The following LRP1B variants were observed in gnomAD, a reference collection of about 807,000 sequenced individuals.
LRP1B encodes the protein LDL receptor related protein 1B.
A neutral mutation model predicts 556.6 loss-of-function variants in LRP1B; 217 were observed. The observed-to-expected ratio is 0.39, with a 90% CI of 0.35 to 0.44. The LOEUF (loss-of-function observed/expected upper bound fraction) is 0.44. Among genes scored for constraint, LRP1B ranks in the 20% least tolerant of loss-of-function variants. LRP1B has a pLI of 1.00. For synonymous variants in LRP1B, 2,047 were observed against 1,865.8 expected (o/e 1.10, Z -2.50); for missense variants, 5,053 against 5,620.8 (o/e 0.90, Z 3.23).
intron 66 of LRP1B, among the ~76,000 whole-genome samples, chr2:140,391,851 A>ATT (rs1684035729): frequency 6.6e-6 from 1 of 152,174 alleles, no homozygotes; most frequent in Non-Finnish European, 1.5e-5. Context: ...TTTCATAATT[A>ATT]AAATGAAACA....
intron 25 of LRP1B, 49 bp from the exon 26 acceptor site, chr2:140,868,312 A>C (rs1693017517): frequency 1.4e-6 from 2 of 1,477,388 alleles, no homozygotes; most frequent in Admixed American, 4.6e-5. Flanking sequence ...TCAGTCATTC[A>C]TTTCACAGAT....
intron 2 of LRP1B, among the ~76,000 whole-genome samples, chr2:141,670,143 C>T (rs1401694457): frequency 2.6e-5 from 4 of 152,102 alleles, no homozygotes; most frequent in Non-Finnish European, 4.4e-5. Context: ...CTGTAGACTG[C>T]ACACATTTTT....
intron 11 of LRP1B, among the ~76,000 whole-genome samples, chr2:141,036,724 A>G (rs1026389419): frequency 2.0e-5 from 3 of 152,056 alleles, no homozygotes; most frequent in African/African-American, 7.2e-5. Context: ...TTGCTTGGAA[A>G]TGGGTAAGAA....
chr2:140,321,092 A>G (rs1680092243), intron 82 of LRP1B, among the ~76,000 whole-genome samples: 1 of 152,098 alleles, frequency 6.6e-6, no homozygotes, highest in South Asian at 2.1e-4. Context: ...AATTTTTAAA[A>G]GTATTATGTG....
At chr2:141,392,795 A>C (rs1024086863) in intron 3 of LRP1B, among the ~76,000 whole-genome samples, 3 of 152,172 alleles carry the variant, frequency 2.0e-5, no homozygotes, top group Admixed American at 6.6e-5. Context: ...AGGATCTTTC[A>C]ATCTGTCGAG....
intron 1 of LRP1B, among the ~76,000 whole-genome samples, chr2:141,920,039 G>A (rs916932766): frequency 1.3e-5 from 2 of 151,810 alleles, no homozygotes; most frequent in African/African-American, 4.8e-5. Context: ...TTTCTTTCTG[G>A]AACATGTAAC....
chr2:141,837,538 C>T (rs1225175181), intron 1 of LRP1B, among the ~76,000 whole-genome samples: 1 of 152,018 alleles, frequency 6.6e-6, no homozygotes, highest in Non-Finnish European at 1.5e-5. Flanking sequence ...GCTAGAAGCA[C>T]TAATTGATTA....
chr2:140,665,679 C>T (rs1685241230), intron 41 of LRP1B, among the ~76,000 whole-genome samples: 1 of 152,192 alleles, frequency 6.6e-6, no homozygotes, highest in Admixed American at 6.5e-5. Context: ...GAGAAAACAA[C>T]TTTACATGTA....
intron 32 of LRP1B, among the ~76,000 whole-genome samples, chr2:140,795,247 T>A (rs1573728736): frequency 6.6e-6 from 1 of 152,212 alleles, no homozygotes; most frequent in East Asian, 1.9e-4. Flanking sequence ...ACAGAATCTT[T>A]TTTTCCTCTC....
chr2:141,221,912 G>A (rs186095050), intron 6 of LRP1B, among the ~76,000 whole-genome samples: 1 of 152,250 alleles, frequency 6.6e-6, no homozygotes, highest in Admixed American at 6.5e-5. Flanking sequence ...AGAATCTCTG[G>A]GATGCAGCTA....
chr2:142,093,378 T>C (rs546717229), intron 1 of LRP1B, among the ~76,000 whole-genome samples: 1 of 152,078 alleles, frequency 6.6e-6, no homozygotes, highest in African/African-American at 2.4e-5. Context: ...TCACAAAAAA[T>C]TAACCTTTAT....
chr2:141,890,907 A>G (rs2104913635), intron 1 of LRP1B, among the ~76,000 whole-genome samples: 1 of 152,258 alleles, frequency 6.6e-6, no homozygotes. Flanking sequence ...AATGCTGGCT[A>G]TGGGATTTTC....
At chr2:140,247,652 G>C (rs1157647117) in intron 86 of LRP1B, among the ~76,000 whole-genome samples, 2 of 151,554 alleles carry the variant, frequency 1.3e-5, no homozygotes, top group Non-Finnish European at 3.0e-5. Flanking sequence ...CCTAAGCAGA[G>C]ATAACAAAAT....
chr2:140,446,920 A>G (rs1203061136), intron 63 of LRP1B, among the ~76,000 whole-genome samples: 1 of 152,062 alleles, frequency 6.6e-6, no homozygotes, highest in African/African-American at 2.4e-5. Flanking sequence ...TGCAAACAGT[A>G]CATCTGCTAA....
At chr2:142,064,659 A>G (rs577520759) in intron 1 of LRP1B, among the ~76,000 whole-genome samples, 23 of 151,684 alleles carry the variant, frequency 1.5e-4, no homozygotes, top group African/African-American at 5.3e-4. Context: ...TTGAGACTCA[A>G]TATTACAAAT....
chr2:141,279,085 T>C (rs1311983163), intron 3 of LRP1B, among the ~76,000 whole-genome samples: 2 of 152,144 alleles, frequency 1.3e-5, no homozygotes, highest in Non-Finnish European at 2.9e-5. Flanking sequence ...TCATACTTTA[T>C]AACATCTCTG....
At chr2:141,845,968 C>T (rs1697631355) in intron 1 of LRP1B, among the ~76,000 whole-genome samples, 1 of 151,130 alleles carries the variant, frequency 6.6e-6, no homozygotes, top group Admixed American at 6.6e-5. Flanking sequence ...GCTGAAACTT[C>T]AGGCCATAGA....
chr2:141,577,275 C>T (rs1686785991), intron 2 of LRP1B, among the ~76,000 whole-genome samples: 1 of 152,074 alleles, frequency 6.6e-6, no homozygotes, highest in African/African-American at 2.4e-5. Context: ...TGTGTTGTTT[C>T]TTTTGCTGTA....
At chr2:141,001,396 G>A (rs1301293800) in intron 15 of LRP1B, among the ~76,000 whole-genome samples, 2 of 151,918 alleles carry the variant, frequency 1.3e-5, no homozygotes, top group African/African-American at 4.8e-5. Context: ...ATGTATACAA[G>A]TGCCATGTTG....
Sources: gnomAD v4.1 joint callset for allele counts (sites outside exome capture counted in the v4.1 genomes callset) on GRCh38, gnomAD v4.1.1 for gene constraint, MANE v1.5 for transcripts, NCBI Gene and HGNC (gene_info 2026-07-23, HGNC 2026-07-21) for gene names.